TCEA1: variants seen among roughly 807,000 people sequenced by gnomAD.
The protein encoded by TCEA1 is transcription elongation factor A1.
Under a neutral mutation model 43.8 loss-of-function variants are expected in TCEA1, and 21 were observed. The ratio of observed to expected loss-of-function variants is 0.48; its 90% CI spans 0.34 to 0.69. The LOEUF (loss-of-function observed/expected upper bound fraction) is 0.69. TCEA1 is among the 30% of genes least tolerant of loss of function. The pLI is 0.01. For synonymous variants in TCEA1, 104 were observed against 117.5 expected, an observed-to-expected ratio of 0.88 and a Z score of 0.75; for missense variants, 250 against 365.1, an observed-to-expected ratio of 0.68 and a Z score of 2.57.
At chr8:53,994,731 C>T (rs1184811415) in intron 3 of TCEA1, among the ~76,000 whole-genome samples, 4 of 151,716 alleles carry the variant, frequency 2.6e-5, no homozygotes, top group East Asian at 1.9e-4. Flanking sequence ...ATTAGCCGGG[C>T]GTGGTGATAC....
chr8:53,986,887 A>C, intron 6 of TCEA1, 82 bp downstream of exon 6: 257 of 1,106,662 alleles, frequency 2.3e-4, no homozygotes, highest in Non-Finnish European at 3.1e-4. Flanking sequence ...TACTGCATGT[A>C]AAACCGTGCC....
chr8:54,018,350 C>G (rs1000679237), intron 1 of TCEA1, among the ~76,000 whole-genome samples: 6 of 152,194 alleles, frequency 3.9e-5, no homozygotes, highest in African/African-American at 1.4e-4. Context: ...ACTCCTCCTT[C>G]TATAATCTAA....
At chr8:53,976,169 T>A (rs1803325640) in intron 8 of TCEA1, among the ~76,000 whole-genome samples, 1 of 152,168 alleles carries the variant, frequency 6.6e-6, no homozygotes, top group Non-Finnish European at 1.5e-5. Context: ...TGAAATTCCG[T>A]AAGAGATGAT....
intron 1 of TCEA1, 27 bp downstream of exon 1, chr8:54,022,036 C>T (rs753084429): frequency 1.3e-6 from 2 of 1,574,628 alleles, no homozygotes; most frequent in Non-Finnish European, 1.7e-6. Context: ...GGCCTCCCTC[C>T]CGGCCCGCGC....
At chr8:53,998,332 C>T (rs903925858) in intron 3 of TCEA1, among the ~76,000 whole-genome samples, 6 of 151,986 alleles carry the variant, frequency 3.9e-5, no homozygotes, top group Admixed American at 1.3e-4. Context: ...TACATGAGAC[C>T]TTTCTGTACT....
At chr8:54,016,157 C>T (rs1182491305) in intron 1 of TCEA1, among the ~76,000 whole-genome samples, 4 of 152,222 alleles carry the variant, frequency 2.6e-5, no homozygotes, top group African/African-American at 9.6e-5. Context: ...AGTAATTATT[C>T]TCCGAGGTAT....
At chr8:54,015,617 T>A (rs1400145706) in intron 1 of TCEA1, among the ~76,000 whole-genome samples, 1 of 152,116 alleles carries the variant, frequency 6.6e-6, no homozygotes, top group Non-Finnish European at 1.5e-5. Flanking sequence ...GAAAAATATA[T>A]ATAAATTCAT....
intron 2 of TCEA1, among the ~76,000 whole-genome samples, chr8:54,000,934 AT>A (rs924021212): frequency 1.3e-5 from 2 of 151,716 alleles, no homozygotes; most frequent in African/African-American, 4.8e-5. Flanking sequence ...TGATTTGTGT[AT>A]TTTTAGTAGA....
At chr8:54,020,797 T>A (rs926773534) in intron 1 of TCEA1, among the ~76,000 whole-genome samples, 5 of 152,220 alleles carry the variant, frequency 3.3e-5, no homozygotes, top group Non-Finnish European at 7.3e-5. Context: ...GACATGGAAT[T>A]TACTTCATAG....
chr8:54,006,658 C>T (rs61319412), intron 2 of TCEA1, among the ~76,000 whole-genome samples: 56,729 of 152,110 alleles, frequency 0.37, 15,080 homozygotes, highest in East Asian at 0.74. Context: ...TTTCCCCACA[C>T]AGGTCTGTCG....
chr8:53,972,431 A>G (rs908977863), intron 8 of TCEA1: 2 of 535,430 alleles, frequency 3.7e-6, no homozygotes, highest in Admixed American at 4.2e-5. Context: ...ATTTGTTTCC[A>G]GAAGAATCAA....
intron 2 of TCEA1, among the ~76,000 whole-genome samples, chr8:54,003,342 T>G (rs955780869): frequency 6.6e-6 from 1 of 152,164 alleles, no homozygotes; most frequent in Non-Finnish European, 1.5e-5. Context: ...CCCATCTGCC[T>G]TTAGTGTAGA....
intron 1 of TCEA1, among the ~76,000 whole-genome samples, chr8:54,013,193 G>A (rs1381819616): frequency 1.3e-5 from 2 of 152,130 alleles, no homozygotes; most frequent in African/African-American, 4.8e-5. Flanking sequence ...TGTTTTCCAA[G>A]TAGAGGCAAT....
At chr8:53,990,687 T>C (rs977154589) in intron 4 of TCEA1, among the ~76,000 whole-genome samples, 21 of 152,174 alleles carry the variant, frequency 1.4e-4, no homozygotes, top group African/African-American at 5.1e-4. Flanking sequence ...TTAAACACTT[T>C]GATTAAATGC....
At chr8:53,975,166 C>A (rs1183856936) in intron 8 of TCEA1, among the ~76,000 whole-genome samples, 2 of 152,030 alleles carry the variant, frequency 1.3e-5, no homozygotes, top group Non-Finnish European at 2.9e-5. Context: ...GAGGGAAATG[C>A]TTACATTATG....
Position 53,967,862 on chromosome 8 carries a change from C to T in TCEA1, c.*242G>A. 1 of 400,422 alleles carries T rather than the reference C, an allele frequency of 2.5e-6. No homozygotes were observed. The highest frequency in any genetic ancestry group is 1.1e-4 in the South Asian group (1 of 9,212). 24.8% of individuals were successfully genotyped at this position (400,422 alleles called of 1,614,324 possible). A position where few individuals can be genotyped will look rare whatever the true frequency, so the allele number is the denominator to read the frequency against. On this transcript the variant is annotated 3_prime_UTR_variant, in exon 10 of 10. Transcript: ENST00000521604. ...TTGCCAAGAGTTTAATTAATATCAA[C>T]TTACTTATAAAAACAGAAAAAATAT...
At chr8:54,017,935 T>C (rs916139696) in intron 1 of TCEA1, among the ~76,000 whole-genome samples, 4 of 152,148 alleles carry the variant, frequency 2.6e-5, no homozygotes, top group African/African-American at 7.2e-5. Context: ...ACAAAAGTTA[T>C]ACTACTTGAC....
intron 1 of TCEA1, among the ~76,000 whole-genome samples, chr8:54,016,804 T>C (rs1804842440): frequency 6.6e-6 from 1 of 151,664 alleles, no homozygotes; most frequent in African/African-American, 2.4e-5. Context: ...TGAAACCCCA[T>C]CTCTACTAAA....
intron 6 of TCEA1, among the ~76,000 whole-genome samples, chr8:53,985,323 T>C (rs966305574): frequency 4.6e-5 from 7 of 152,162 alleles, no homozygotes; most frequent in African/African-American, 1.7e-4. Context: ...GGCCTAGTCA[T>C]GTTTTATTTC....
Sources: allele counts gnomAD v4.1 joint callset (sites outside exome capture counted in the v4.1 genomes callset), GRCh38; gene constraint gnomAD v4.1.1; transcripts MANE v1.5; gene names NCBI Gene and HGNC (gene_info 2026-07-23, HGNC 2026-07-21).